Variants in CDC14B observed in about 807,000 individuals in gnomAD.
CDC14B encodes cell division cycle 14B.
Under a neutral mutation model 64.2 loss-of-function variants are expected in CDC14B, and 22 were observed. The observed-to-expected ratio is 0.34, with a 90% CI of 0.24 to 0.49. The LOEUF is 0.49. Ranked by LOEUF, CDC14B falls within the 20% of genes least tolerant of loss-of-function variation. CDC14B has a pLI of 0.99. For missense variants in CDC14B, 498 were observed against 629.9 expected, an observed-to-expected ratio of 0.79 and a Z score of 2.24; for synonymous variants, 191 against 215.8, an observed-to-expected ratio of 0.89 and a Z score of 1.01.
intron 1 of CDC14B, among the ~76,000 whole-genome samples, chr9:96,612,369 G>T (rs77691445): frequency 2.6e-5 from 4 of 152,320 alleles, no homozygotes; most frequent in Non-Finnish European, 5.9e-5. Flanking sequence ...CCTCGCAGCT[G>T]CTGTCACGCG....
In CDC14B at chr9:96,500,219, G is replaced by A. The variant is rs1833433812; in HGVS notation, c.*3534C>T. 1 of 152,588 alleles carries A rather than the reference G, an allele frequency of 6.6e-6. No homozygotes were observed. Among genetic ancestry groups the A allele is most frequent in the Non-Finnish European group, 1.5e-5 (1 of 68,040 alleles). The allele number at this position is 152,588 out of a possible 1,614,324, so 9.5% of individuals were successfully genotyped here. On this transcript the variant is annotated 3_prime_UTR_variant, in exon 14 of 14. Coordinates refer to ENST00000375241, the MANE Select transcript of CDC14B (RefSeq NM_033331.4). ...ACAAGATTTTCAAATGTGACAATATGTATCAAACTACATACATATGCAAAG... is the reference window on the plus strand; with the variant it reads ...ACAAGATTTTCAAATGTGACAATATATATCAAACTACATACATATGCAAAG...
At chr9:96,523,815 C>T in intron 9 of CDC14B, 90 bp from the exon 10 acceptor site, 2 of 1,312,898 alleles carry the variant, frequency 1.5e-6, no homozygotes, top group East Asian at 2.5e-5. Flanking sequence ...AAAGGCTTCT[C>T]ATGACTCTGC....
intron 9 of CDC14B, among the ~76,000 whole-genome samples, chr9:96,527,897 G>A (rs547519232): frequency 6.6e-6 from 1 of 152,150 alleles, no homozygotes; most frequent in African/African-American, 2.4e-5. Flanking sequence ...TTACAGGCGT[G>A]AGCCACCGTG....
intron 5 of CDC14B, among the ~76,000 whole-genome samples, chr9:96,546,456 G>A (rs1354326110): frequency 6.7e-6 from 1 of 149,578 alleles, no homozygotes; most frequent in Non-Finnish European, 1.5e-5. Context: ...TTTTTTGCGG[G>A]GAGTGGGGTG....
intron 1 of CDC14B, among the ~76,000 whole-genome samples, chr9:96,608,892 G>GACACACACAC (rs59953256): frequency 6.9e-5 from 10 of 144,566 alleles, no homozygotes; most frequent in African/African-American, 2.4e-4. Flanking sequence ...TTAAAACACA[G>GACACACACAC]ACACACACAC....
intron 1 of CDC14B, among the ~76,000 whole-genome samples, chr9:96,577,970 C>T (rs1450423123): frequency 1.3e-5 from 2 of 152,136 alleles, no homozygotes; most frequent in African/African-American, 4.8e-5. Context: ...TGCTCACAAA[C>T]ATTTAGTGAA....
intron 13 of CDC14B, among the ~76,000 whole-genome samples, chr9:96,504,695 T>A (rs1833886214): frequency 6.6e-6 from 1 of 152,318 alleles, no homozygotes; most frequent in East Asian, 1.9e-4. Context: ...TTGGAGATAA[T>A]GGCAGTAGCC....
At chr9:96,618,819 G>C (rs1847804632) in intron 1 of CDC14B, 1 of 333,894 alleles carries the variant, frequency 3.0e-6, no homozygotes, top group Non-Finnish European at 5.8e-6. Context: ...GGCTGATTCA[G>C]AGGTTGTGAC....
At position 96,562,883 on chromosome 9, in the gene CDC14B, T is replaced by C. The variant is rs180908945; in HGVS notation, c.328-98A>G. ...AGATCAATTCCAAATCCCATAACCA[T>C]TCATATTATTAGCAAGACCTTTGAA... On this transcript the variant is annotated intron_variant, in intron 3 of 13. Transcript: ENST00000375241. 1.6e-4 allele frequency: 128 copies of C among 786,188 alleles called. No homozygotes were observed. In the African/African-American group the frequency reaches 2.1e-3, roughly 13 times the overall value. The allele number at this position is 786,188 out of a possible 1,614,324, so 48.7% of individuals were successfully genotyped here.
Position 96,534,515 on chromosome 9 carries a change from T to C in CDC14B, c.655A>G (p.Ile219Val), listed in dbSNP as rs201965822. 11 of 1,613,540 alleles carry C rather than the reference T, an allele frequency of 6.8e-6. No individual in the cohort carries two copies. The highest frequency in any genetic ancestry group is 9.3e-6 in the Non-Finnish European group (11 of 1,179,518). Residue 219 changes from isoleucine (I) to valine (V), a missense_variant, in exon 8 of 14, where the codon ATA (isoleucine) becomes GTA (valine). Ile to Val is a conservative substitution (Grantham distance 29). Coordinates refer to ENST00000375241, the MANE Select transcript of CDC14B (RefSeq NM_033331.4). ...EKAENGDLNW[I>V]IPDRFIAFCG... Reference sequence around the variant, plus strand: ...AAGGCAATAAATCGGTCTGGTATTATCCAATTTAAATCTCCATTTTCTGCT... The same window carrying C: ...AAGGCAATAAATCGGTCTGGTATTACCCAATTTAAATCTCCATTTTCTGCT...
intron 9 of CDC14B, among the ~76,000 whole-genome samples, chr9:96,524,372 G>A (rs757339425): frequency 3.9e-5 from 6 of 152,228 alleles, no homozygotes; most frequent in Non-Finnish European, 5.9e-5. Context: ...AGTAAGTGCA[G>A]TGTCTTCTGC....
At chr9:96,543,230 G>A (rs908737528) in intron 5 of CDC14B, among the ~76,000 whole-genome samples, 6 of 151,984 alleles carry the variant, frequency 3.9e-5, no homozygotes, top group Admixed American at 6.6e-5. Context: ...CAGCTACTCC[G>A]AGGCTGAGGC....
intron 1 of CDC14B, among the ~76,000 whole-genome samples, chr9:96,593,083 C>T (rs1451605804): frequency 2.6e-5 from 4 of 151,990 alleles, no homozygotes; most frequent in Admixed American, 6.6e-5. Flanking sequence ...ATTTAAAAAC[C>T]CCATTTGTAG....
At chr9:96,585,363 C>T (rs548898043) in intron 1 of CDC14B, among the ~76,000 whole-genome samples, 1 of 152,038 alleles carries the variant, frequency 6.6e-6, no homozygotes, top group Non-Finnish European at 1.5e-5. Flanking sequence ...CTCCCCTTGC[C>T]CCCAACCCCC....
chr9:96,608,695 AT>A (rs1204611748), intron 1 of CDC14B, among the ~76,000 whole-genome samples: 1 of 152,176 alleles, frequency 6.6e-6, no homozygotes, highest in Non-Finnish European at 1.5e-5. Flanking sequence ...TAAACAAGAA[AT>A]CTTATTTTAA....
intron 13 of CDC14B, among the ~76,000 whole-genome samples, chr9:96,506,151 G>A (rs1025794734): frequency 2.6e-5 from 4 of 152,162 alleles, no homozygotes; most frequent in Non-Finnish European, 4.4e-5. Context: ...CTGCTACGTT[G>A]CAGGTAGGGA....
At chr9:96,583,370 T>TTTATTTATTATTATTA (rs369531819) in intron 1 of CDC14B, among the ~76,000 whole-genome samples, 1 of 139,104 alleles carries the variant, frequency 7.2e-6, no homozygotes, top group Non-Finnish European at 1.5e-5. Flanking sequence ...GTTGTATTTA[T>TTTATTTATTATTATTA]TTATTATTAT....
intron 4 of CDC14B, among the ~76,000 whole-genome samples, chr9:96,561,376 A>C (rs1433927474): frequency 1.3e-5 from 2 of 152,248 alleles, no homozygotes; most frequent in Non-Finnish European, 2.9e-5. Flanking sequence ...AGATTATCAA[A>C]CTATACTCCA....
At chr9:96,547,193 A>G (rs1841052692) in intron 5 of CDC14B, among the ~76,000 whole-genome samples, 1 of 151,374 alleles carries the variant, frequency 6.6e-6, no homozygotes, top group African/African-American at 2.4e-5. Context: ...GGCCAGGCAC[A>G]GTGGCTCATG....
Sources: allele counts gnomAD v4.1 joint callset (sites outside exome capture counted in the v4.1 genomes callset), GRCh38; gene constraint gnomAD v4.1.1; transcripts MANE v1.5; gene names NCBI Gene and HGNC (gene_info 2026-07-23, HGNC 2026-07-21).